TTC28: variants seen among roughly 807,000 people sequenced by gnomAD.
TTC28 encodes tetratricopeptide repeat domain 28.
In TTC28, 61 loss-of-function variants were observed where a neutral mutation model predicts 198.0. The ratio of observed to expected loss-of-function variants is 0.31; its 90% CI spans 0.25 to 0.38. TTC28 has a LOEUF of 0.38. Ranked by LOEUF, TTC28 falls within the 10% of genes least tolerant of loss-of-function variation. TTC28 has a pLI of 1.00. For synonymous variants in TTC28, 1,171 were observed against 1,297.8 expected (o/e 0.90, Z 2.10); for missense variants, 2,678 against 3,164.0 (o/e 0.85, Z 3.69).
intron 2 of TTC28, among the ~76,000 whole-genome samples, chr22:28,601,628 T>C (rs1357235201): frequency 6.6e-6 from 1 of 152,148 alleles, no homozygotes; most frequent in Non-Finnish European, 1.5e-5. Flanking sequence ...CAGGTTTTGG[T>C]AACCATAGGA....
chr22:27,996,047 C>A, intron 17 of TTC28, 88 bp downstream of exon 17: 1 of 1,479,062 alleles, frequency 6.8e-7, no homozygotes, highest in Admixed American at 2.1e-5. Flanking sequence ...TCCAACTGCT[C>A]ACATCCCCGT....
At chr22:27,989,045 G>A (rs1937307527) in intron 21 of TTC28, among the ~76,000 whole-genome samples, 1 of 152,218 alleles carries the variant, frequency 6.6e-6, no homozygotes, top group East Asian at 1.9e-4. Flanking sequence ...CCTGTGGAGT[G>A]AATGGTTCCC....
At chr22:28,120,066 C>A (rs1262077788) in intron 6 of TTC28, among the ~76,000 whole-genome samples, 1 of 152,004 alleles carries the variant, frequency 6.6e-6, no homozygotes, top group Non-Finnish European at 1.5e-5. Flanking sequence ...GAGAGGGGAA[C>A]CCTTCCTAAT....
intron 6 of TTC28, among the ~76,000 whole-genome samples, chr22:28,143,429 T>G (rs1171367815): frequency 6.6e-6 from 1 of 152,232 alleles, no homozygotes; most frequent in African/African-American, 2.4e-5. Flanking sequence ...AAAAAGCCAC[T>G]GCTAACTCCA....
intron 2 of TTC28, among the ~76,000 whole-genome samples, chr22:28,499,961 G>C (rs945816584): frequency 6.6e-6 from 1 of 151,970 alleles, no homozygotes; most frequent in African/African-American, 2.4e-5. Flanking sequence ...ACTACTTCTA[G>C]CTATTTGAAA....
intron 5 of TTC28, among the ~76,000 whole-genome samples, chr22:28,164,041 T>C (rs891183209): frequency 3.3e-5 from 5 of 152,212 alleles, no homozygotes; most frequent in Admixed American, 2.6e-4. Flanking sequence ...GGAGCCTTGC[T>C]CATTGCTAGC....
chr22:28,594,364 C>A (rs925498411), intron 2 of TTC28, among the ~76,000 whole-genome samples: 12 of 151,310 alleles, frequency 7.9e-5, no homozygotes, highest in Non-Finnish European at 1.6e-4. Flanking sequence ...AGATGCCTAA[C>A]CCTAACTCTC....
intron 2 of TTC28, among the ~76,000 whole-genome samples, chr22:28,475,072 C>A (rs978536165): frequency 6.9e-6 from 1 of 143,956 alleles, no homozygotes; most frequent in Non-Finnish European, 1.5e-5. Flanking sequence ...ATGGCGTGAA[C>A]CCAGGAGGCA....
At chr22:28,533,880 C>T (rs572552963) in intron 2 of TTC28, among the ~76,000 whole-genome samples, 4 of 152,254 alleles carry the variant, frequency 2.6e-5, no homozygotes, top group South Asian at 2.1e-4. Flanking sequence ...AAACTGGATC[C>T]CCTCCTTACC....
intron 5 of TTC28, among the ~76,000 whole-genome samples, chr22:28,233,197 G>T (rs553688155): frequency 6.6e-5 from 10 of 152,004 alleles, no homozygotes; most frequent in East Asian, 1.9e-4. Context: ...TAAAATTCTG[G>T]ATTTTTTTCA....
chr22:28,291,079 A>G (rs560394829), intron 5 of TTC28, among the ~76,000 whole-genome samples: 15 of 152,264 alleles, frequency 9.9e-5, no homozygotes, highest in African/African-American at 3.4e-4. Context: ...AAATACATCA[A>G]TGTATTCATA....
chr22:28,338,860 T>C (rs944873313), intron 2 of TTC28, among the ~76,000 whole-genome samples: 7 of 152,228 alleles, frequency 4.6e-5, no homozygotes, highest in African/African-American at 1.4e-4. Context: ...ATCGTAAGCC[T>C]TCTTCTCTCA....
intron 12 of TTC28, among the ~76,000 whole-genome samples, chr22:28,069,812 C>A (rs1415533049): frequency 6.6e-6 from 1 of 152,004 alleles, no homozygotes; most frequent in Non-Finnish European, 1.5e-5. Flanking sequence ...ATAAGCTCCA[C>A]GGAGTTTGTA....
At chr22:28,193,209 T>C (rs1249835006) in intron 5 of TTC28, among the ~76,000 whole-genome samples, 1 of 152,058 alleles carries the variant, frequency 6.6e-6, no homozygotes. Context: ...GAAGGAGAAA[T>C]AAAATCCTTT....
At chr22:28,039,777 C>CA (rs1569100793) in intron 12 of TTC28, among the ~76,000 whole-genome samples, 2 of 151,758 alleles carry the variant, frequency 1.3e-5, no homozygotes, top group Non-Finnish European at 2.9e-5. Context: ...AAAAACCCTT[C>CA]AAAAAAATCA....
chr22:27,986,533 C>T (rs1937221361), intron 21 of TTC28: 1 of 152,228 alleles, frequency 6.6e-6, no homozygotes, highest in African/African-American at 2.4e-5. Context: ...ATTGAGAGCA[C>T]TGGGTAGATC....
chr22:28,270,217 G>A (rs1287487239), intron 5 of TTC28, among the ~76,000 whole-genome samples: 1 of 151,904 alleles, frequency 6.6e-6, no homozygotes, highest in Non-Finnish European at 1.5e-5. Flanking sequence ...TTCAAAGGGG[G>A]AAAAAACAAA....
chr22:28,263,308 G>C (rs1056654538), intron 5 of TTC28, among the ~76,000 whole-genome samples: 4 of 152,036 alleles, frequency 2.6e-5, no homozygotes, highest in African/African-American at 9.7e-5. Context: ...AGTAAACAAA[G>C]GTTTAGAGAG....
Position 28,262,468 on chromosome 22 carries a change from A to G in TTC28, c.933+33730T>C, listed in dbSNP as rs902805361. 1.8e-4 allele frequency among the ~76,000 whole-genome samples: 27 copies of G among 152,080 alleles called. 1 individual carries two copies. The highest frequency in any genetic ancestry group is 1.6e-3 in the Admixed American group (24 of 15,234). On this transcript the variant is annotated intron_variant, in intron 5 of 22. Coordinates refer to ENST00000397906, the MANE Select transcript of TTC28 (RefSeq NM_001145418.2). The stretch of plus-strand genomic sequence containing the variant: ...TTTAAAGCAATATATTCATCATCCA[A>G]TTTGTTTCTTTGATCTTCTCTTATT...
Sources: gnomAD v4.1 joint callset for allele counts (sites outside exome capture counted in the v4.1 genomes callset) on GRCh38, gnomAD v4.1.1 for gene constraint, MANE v1.5 for transcripts, NCBI Gene and HGNC (gene_info 2026-07-23, HGNC 2026-07-21) for gene names.